RAD54B: variants seen among roughly 807,000 people sequenced by gnomAD.
RAD54B encodes the protein RAD54 homolog B.
Under a neutral mutation model 95.8 loss-of-function variants are expected in RAD54B, and 78 were observed. That is an observed-to-expected ratio of 0.81 (90% CI 0.68 to 0.98). RAD54B has a LOEUF of 0.98. Ranked by LOEUF, RAD54B falls within the 50% of genes least tolerant of loss-of-function variation. The pLI, the probability that RAD54B is intolerant of heterozygous loss-of-function variation, is 0.00. For synonymous variants in RAD54B, 328 were observed against 354.9 expected (o/e 0.92, Z 0.85); for missense variants, 957 against 1,056.6 (o/e 0.91, Z 1.31).
intron 3 of RAD54B, among the ~76,000 whole-genome samples, chr8:94,438,748 G>A (rs190808731): frequency 2.6e-5 from 4 of 152,288 alleles, no homozygotes; most frequent in Admixed American, 2.6e-4. Flanking sequence ...TCAGGGAAAT[G>A]TATACTAAAA....
intron 3 of RAD54B, among the ~76,000 whole-genome samples, chr8:94,440,189 T>C (rs1337156770): frequency 7.0e-6 from 1 of 142,670 alleles, no homozygotes; most frequent in Non-Finnish European, 1.5e-5. Context: ...TAGATAGGAA[T>C]TTAGGCAAGA....
At chr8:94,420,623 A>T (rs1811782128) in intron 3 of RAD54B, among the ~76,000 whole-genome samples, 1 of 152,098 alleles carries the variant, frequency 6.6e-6, no homozygotes, top group Non-Finnish European at 1.5e-5. Context: ...TAAAGTCAAG[A>T]TTATTATGTA....
At chr8:94,425,036 TG>T (rs1271809636) in intron 3 of RAD54B, among the ~76,000 whole-genome samples, 1 of 125,960 alleles carries the variant, frequency 7.9e-6, no homozygotes, top group African/African-American at 3.1e-5. Context: ...TACTCCAGCC[TG>T]GGTGACAGAG....
chr8:94,429,707 T>C (rs1812039054), intron 3 of RAD54B: 2 of 983,578 alleles, frequency 2.0e-6, no homozygotes, highest in Non-Finnish European at 2.4e-6. Context: ...AGAGAAAAGG[T>C]AACATTGTCA....
intron 3 of RAD54B, chr8:94,429,098 G>A (rs1276441255): frequency 4.1e-6 from 4 of 985,148 alleles, no homozygotes; most frequent in Non-Finnish European, 4.8e-6. Context: ...AGATTGACTT[G>A]GAAAAGTTGC....
At chr8:94,380,043 T>C (rs1810694200) in intron 12 of RAD54B, 102 bp downstream of exon 12, 2 of 1,316,232 alleles carry the variant, frequency 1.5e-6, no homozygotes, top group Non-Finnish European at 2.1e-6. Context: ...TAAGGGCTCT[T>C]TATGCAGTGG....
intron 3 of RAD54B, among the ~76,000 whole-genome samples, chr8:94,423,753 C>T (rs1337725394): frequency 1.3e-5 from 2 of 152,202 alleles, no homozygotes; most frequent in Non-Finnish European, 2.9e-5. Context: ...CTTTTGAACT[C>T]TTTTCACACA....
intron 3 of RAD54B, among the ~76,000 whole-genome samples, chr8:94,412,195 G>T (rs1811545714): frequency 6.6e-6 from 1 of 152,152 alleles, no homozygotes; most frequent in South Asian, 2.1e-4. Context: ...TGTCACAAGT[G>T]ACAGGATTGC....
At position 94,411,106 on chromosome 8, in the gene RAD54B, G is replaced by A. The variant is rs768369730; in HGVS notation, c.499+15C>T. The A allele has an allele frequency of 1.9e-6, 3 of 1,565,894 alleles. No individual in the cohort carries two copies. In the Middle Eastern group the frequency reaches 5.5e-4, roughly 285 times the overall value. On this transcript the variant is annotated intron_variant, in intron 4 of 14. Coordinates refer to ENST00000336148, the MANE Select transcript of RAD54B (RefSeq NM_012415.3). ...TTTCAGGCCAAACTGTAAACATTAG[G>A]TAGTATCATAATACCTCTTCCAATG...
In RAD54B at chr8:94,391,647, G is replaced by GT. The variant is rs1457376007; in HGVS notation, c.1770dup (p.Leu591ThrfsTer18). 6.2e-7 allele frequency: 1 copy of GT among 1,613,696 alleles called. No individual in the cohort carries two copies. Among genetic ancestry groups the GT allele is most frequent in the Non-Finnish European group, 8.5e-7 (1 of 1,179,960 alleles). On this transcript the variant is annotated frameshift_variant, in exon 10 of 15. Transcript: ENST00000336148. LOFTEE classifies it high-confidence loss of function. ...AACAAAAGGCAGGGGTGATTGCACAGTTTTTTAAGAGCTCCTATACATATT... is the reference window on the plus strand; with the variant it reads ...AACAAAAGGCAGGGGTGATTGCACAGTTTTTTTAAGAGCTCCTATACATATT...
chr8:94,474,730 G>C (rs1185236950), intron 1 of RAD54B, among the ~76,000 whole-genome samples: 1 of 152,096 alleles, frequency 6.6e-6, no homozygotes, highest in East Asian at 1.9e-4. Flanking sequence ...GGCGGCCCCA[G>C]GGGCCACTGC....
rs1812763316 is a variant in RAD54B at position 94,455,698 on chromosome 8, T to C, written c.304+2570A>G. ...TCCAAAATCAAGGTGGCAGCAGGGCTATGCTCTCTCTGAAGGTTCTAAGGG... is the reference window on the plus strand; with the variant it reads ...TCCAAAATCAAGGTGGCAGCAGGGCCATGCTCTCTCTGAAGGTTCTAAGGG... On this transcript the variant is annotated intron_variant, in intron 3 of 14. Coordinates refer to ENST00000336148, the MANE Select transcript of RAD54B (RefSeq NM_012415.3). Among the ~76,000 whole-genome samples the C allele has an allele frequency of 2.0e-5, 3 of 152,312 alleles. No individual in the cohort carries two copies. In the East Asian group the frequency reaches 5.8e-4, roughly 29 times the overall value.
At chr8:94,459,536 G>T (rs1812853454) in intron 2 of RAD54B, among the ~76,000 whole-genome samples, 1 of 152,066 alleles carries the variant, frequency 6.6e-6, no homozygotes, top group East Asian at 1.9e-4. Flanking sequence ...AATAAGAAGG[G>T]AGGGACTTGA....
intron 3 of RAD54B, among the ~76,000 whole-genome samples, chr8:94,412,165 T>C (rs1811545098): frequency 6.6e-6 from 1 of 152,188 alleles, no homozygotes; most frequent in African/African-American, 2.4e-5. Context: ...GAGCATAATG[T>C]CCTCCGGGTT....
In RAD54B at chr8:94,378,312, G is replaced by T. The variant is rs1689892399; in HGVS notation, c.2383C>A (p.Leu795Ile). The T allele has an allele frequency of 1.2e-6, 2 of 1,613,838 alleles. No homozygotes were observed. The highest frequency in any genetic ancestry group is 1.7e-6 in the Non-Finnish European group (2 of 1,179,926). ...TGAATATGTTCAGATGTCTTGGTGA[G>T]GTCGACAACTGCCCCACAAAGACCT... Reference protein sequence around the residue: ...KQGLCGAVVDLTKTSEHIQFS... With the variant: ...KQGLCGAVVDITKTSEHIQFS... The change falls in exon 14 of 15, where the codon CTC becomes ATC. Residue 795 changes from leucine to isoleucine, a missense_variant. Transcript: ENST00000336148.
rs190645072 is a variant in RAD54B, at chr8:94,455,262, T to C, written c.304+3006A>G. On this transcript the variant is annotated intron_variant, in intron 3 of 14. Coordinates refer to ENST00000336148, the MANE Select transcript of RAD54B (RefSeq NM_012415.3). ...CTATAATGTTCCAATAGCCTCTTTG[T>C]GGCTACTTGACTTCCCTGAAGCACT... Among the ~76,000 whole-genome samples the C allele has an allele frequency of 1.5e-3, 224 of 152,354 alleles. 1 individual carries two copies. The highest frequency in any genetic ancestry group is 5.1e-3 in the African/African-American group (211 of 41,594).
At chr8:94,449,048 GCACA>G (rs137936104) in intron 3 of RAD54B, among the ~76,000 whole-genome samples, 1 of 150,070 alleles carries the variant, frequency 6.7e-6, no homozygotes, top group Non-Finnish European at 1.5e-5. Flanking sequence ...ACACATGCAT[GCACA>G]CACACACACA....
chr8:94,380,436 T>C (rs752134426), intron 11 of RAD54B, 30 bp from the exon 12 acceptor site: 1 of 1,559,658 alleles, frequency 6.4e-7, no homozygotes, highest in African/African-American at 1.4e-5. Flanking sequence ...ATTCTTTAGA[T>C]AAATTTAAAG....
At chr8:94,379,559 G>A (rs1810684167) in intron 12 of RAD54B, among the ~76,000 whole-genome samples, 1 of 152,136 alleles carries the variant, frequency 6.6e-6, no homozygotes, top group Non-Finnish European at 1.5e-5. Context: ...ACATAACTGT[G>A]AGTATAGCTG....
Sources: gnomAD v4.1 joint callset for allele counts (sites outside exome capture counted in the v4.1 genomes callset) on GRCh38, gnomAD v4.1.1 for gene constraint, MANE v1.5 for transcripts, NCBI Gene and HGNC (gene_info 2026-07-23, HGNC 2026-07-21) for gene names.